The following CHCHD6 variants were observed in gnomAD, a reference collection of about 807,000 sequenced individuals.
The protein encoded by CHCHD6 is MICOS complex subunit MIC25.
Under a neutral mutation model 32.3 loss-of-function variants are expected in CHCHD6, and 28 were observed. That is an observed-to-expected ratio of 0.87 (90% CI 0.64 to 1.19). CHCHD6 has a LOEUF of 1.19. Among genes scored for constraint, CHCHD6 ranks in the 50% most tolerant of loss-of-function variants. The pLI is 0.00. For synonymous variants in CHCHD6, 122 were observed against 117.5 expected (o/e 1.04, Z -0.25); for missense variants, 333 against 307.0 (o/e 1.08, Z -0.63).
intron 5 of CHCHD6, among the ~76,000 whole-genome samples, chr3:126,859,994 G>C (rs1941801412): frequency 6.6e-6 from 1 of 152,094 alleles, no homozygotes; most frequent in South Asian, 2.1e-4. Flanking sequence ...AGAAGGAGGA[G>C]GTCTCCAGAC....
chr3:126,942,653 T>C (rs183871574), intron 6 of CHCHD6, among the ~76,000 whole-genome samples: 2 of 152,316 alleles, frequency 1.3e-5, no homozygotes, highest in Admixed American at 1.3e-4. Context: ...TTCAGGCTCA[T>C]CTTGTCCTTT....
At chr3:126,888,471 C>T (rs757918028) in intron 5 of CHCHD6, among the ~76,000 whole-genome samples, 14 of 152,184 alleles carry the variant, frequency 9.2e-5, no homozygotes, top group Non-Finnish European at 2.1e-4. Context: ...CCTCATGCGA[C>T]AGCCACCAAG....
intron 4 of CHCHD6, among the ~76,000 whole-genome samples, chr3:126,787,383 G>A (rs1938270127): frequency 6.6e-6 from 1 of 152,178 alleles, no homozygotes; most frequent in Non-Finnish European, 1.5e-5. Flanking sequence ...TAGCTTGATG[G>A]GGATGGCATT....
intron 4 of CHCHD6, among the ~76,000 whole-genome samples, chr3:126,820,976 C>T (rs1330698548): frequency 1.3e-5 from 2 of 152,184 alleles, no homozygotes; most frequent in African/African-American, 2.4e-5. Flanking sequence ...AGTAATTCCC[C>T]CTCACCCTTC....
At chr3:126,805,098 T>C (rs1347657566) in intron 4 of CHCHD6, among the ~76,000 whole-genome samples, 3 of 152,160 alleles carry the variant, frequency 2.0e-5, no homozygotes, top group African/African-American at 7.2e-5. Flanking sequence ...AATATCATAC[T>C]GAATGGGCAA....
chr3:126,759,926 C>A (rs1023455543), intron 4 of CHCHD6, among the ~76,000 whole-genome samples: 32 of 152,084 alleles, frequency 2.1e-4, no homozygotes, highest in African/African-American at 7.5e-4. Flanking sequence ...TTTGGAGAGG[C>A]CTCAGGGAGC....
rs116788427 is a variant in CHCHD6, at chr3:126,714,482, G to A, written c.87+10083G>A. On this transcript the variant is annotated intron_variant, in intron 1 of 7. Transcript: ENST00000290913. ...AAGAGCTAGGGAACAAAATCTCCAA[G>A]GCAACAGCCTTAGGCAAGGGGGTGA... Among the ~76,000 whole-genome samples the A allele has an allele frequency of 8.5e-3, 1,297 of 152,248 alleles. 11 individuals are homozygous for A. Among genetic ancestry groups the A allele is most frequent in the Non-Finnish European group, 0.016 (1,060 of 68,012 alleles).
intron 4 of CHCHD6, among the ~76,000 whole-genome samples, chr3:126,744,014 C>G (rs1037803155): frequency 6.6e-5 from 10 of 152,202 alleles, no homozygotes; most frequent in African/African-American, 2.4e-4. Context: ...TGCTGTACCC[C>G]TGCTCCTCTT....
intron 5 of CHCHD6, among the ~76,000 whole-genome samples, chr3:126,853,933 G>T (rs1941564588): frequency 6.6e-6 from 1 of 152,148 alleles, no homozygotes; most frequent in Non-Finnish European, 1.5e-5. Context: ...TAGGCACAGG[G>T]TTTTGGTTTT....
At chr3:126,957,621 T>G (rs1244945761) in intron 7 of CHCHD6, 70 bp downstream of exon 7, 1 of 1,499,938 alleles carries the variant, frequency 6.7e-7, no homozygotes, top group Non-Finnish European at 9.0e-7. Flanking sequence ...TATCTAGCAT[T>G]GGAGATCTCT....
chr3:126,863,540 C>T (rs1280980952), intron 5 of CHCHD6, among the ~76,000 whole-genome samples: 33 of 142,252 alleles, frequency 2.3e-4, no homozygotes, highest in African/African-American at 6.3e-4. Context: ...ACCTCCTCCT[C>T]CTCCACCATC....
At chr3:126,806,636 G>A (rs1319143642) in intron 4 of CHCHD6, among the ~76,000 whole-genome samples, 1 of 152,166 alleles carries the variant, frequency 6.6e-6, no homozygotes, top group Non-Finnish European at 1.5e-5. Context: ...GGAAGTCAGT[G>A]TGGCGATTCC....
In CHCHD6 at chr3:126,800,204, T is replaced by A. The variant is rs115718179; in HGVS notation, c.412-52443T>A. On this transcript the variant is annotated intron_variant, in intron 4 of 7. Coordinates refer to ENST00000290913, the MANE Select transcript of CHCHD6 (RefSeq NM_032343.3). ...TCTAGGAAAGATAAAACTCAACGAT[T>A]GTAAGGATGTGAGACTTGAGGGCAT... is the stretch of plus-strand genomic sequence containing the variant. 6.2e-3 allele frequency among the ~76,000 whole-genome samples: 940 copies of A among 152,264 alleles called. 8 individuals are homozygous for A. The highest frequency in any genetic ancestry group is 0.021 in the African/African-American group (886 of 41,544).
chr3:126,760,884 G>A (rs1477718325), intron 4 of CHCHD6, among the ~76,000 whole-genome samples: 1 of 152,064 alleles, frequency 6.6e-6, no homozygotes, highest in East Asian at 1.9e-4. Context: ...CCCAGGCTGG[G>A]GTGCAGTGGC....
chr3:126,819,510 T>A (rs1940062457), intron 4 of CHCHD6, among the ~76,000 whole-genome samples: 1 of 152,186 alleles, frequency 6.6e-6, no homozygotes, highest in Non-Finnish European at 1.5e-5. Context: ...CAGTCCTGAG[T>A]GTCCTATCCC....
chr3:126,745,125 A>T (rs1400664533), intron 4 of CHCHD6, among the ~76,000 whole-genome samples: 2 of 152,180 alleles, frequency 1.3e-5, no homozygotes, highest in Non-Finnish European at 2.9e-5. Flanking sequence ...CTCTAGCTGC[A>T]AAAGGGGGGC....
At chr3:126,835,486 A>T (rs1424807068) in intron 4 of CHCHD6, among the ~76,000 whole-genome samples, 1 of 152,086 alleles carries the variant, frequency 6.6e-6, no homozygotes, top group Admixed American at 6.5e-5. Flanking sequence ...TGGGGCTGGG[A>T]GGAGTGGGGA....
At chr3:126,782,280 C>G (rs1407451596) in intron 4 of CHCHD6, among the ~76,000 whole-genome samples, 2 of 152,204 alleles carry the variant, frequency 1.3e-5, no homozygotes, top group South Asian at 2.1e-4. Flanking sequence ...CTTACTCTTG[C>G]ATTTCTACAG....
intron 4 of CHCHD6, among the ~76,000 whole-genome samples, chr3:126,845,909 G>A (rs527429601): frequency 2.6e-5 from 4 of 152,208 alleles, no homozygotes; most frequent in African/African-American, 9.6e-5. Flanking sequence ...TATTTTTTCA[G>A]AACTCTGAAA....
Sources: gnomAD v4.1 joint callset for allele counts (sites outside exome capture counted in the v4.1 genomes callset) on GRCh38, gnomAD v4.1.1 for gene constraint, MANE v1.5 for transcripts, NCBI Gene and HGNC (gene_info 2026-07-23, HGNC 2026-07-21) for gene names.